The following BOP1 variants were observed in gnomAD, a reference collection of about 807,000 sequenced individuals.
BOP1 encodes the protein BOP1 ribosomal biogenesis factor.
A neutral mutation model predicts 82.9 loss-of-function variants in BOP1; 54 were observed. That is an observed-to-expected ratio of 0.65 (90% CI 0.52 to 0.82). BOP1 has a LOEUF of 0.82. Ranked by LOEUF, BOP1 falls within the 40% of genes least tolerant of loss-of-function variation. BOP1 has a pLI of 0.00. For synonymous variants in BOP1, 566 were observed against 451.1 expected, an observed-to-expected ratio of 1.25 and a Z score of -3.23; for missense variants, 1,170 against 1,072.0, an observed-to-expected ratio of 1.09 and a Z score of -1.28.
chr8:144,285,498 C>T (rs1554839370), intron 2 of BOP1, among the ~76,000 whole-genome samples: 1 of 152,248 alleles, frequency 6.6e-6, no homozygotes, highest in East Asian at 1.9e-4. Context: ...CCTTCAGGGG[C>T]TGCCAGGCAG....
In BOP1 at chr8:144,263,584, A is replaced by G; in HGVS notation, c.1318T>C (p.Trp440Arg). Reference protein sequence around the residue: ...SGSDDGSLRLWEVATARCVRT... With the variant: ...SGSDDGSLRLREVATARCVRT... ...ACACAGCGGGCAGTGGCCACCTCCC[A>G]GAGCCGCAGGGAGCCGTCGTCAGAG... Residue 440 changes from tryptophan to arginine, a missense_variant, in exon 11 of 16, where the codon TGG becomes CGG. Transcript: ENST00000569669. 6.2e-7 allele frequency: 1 copy of G among 1,604,864 alleles called. No individual in the cohort carries two copies. Among genetic ancestry groups the G allele is most frequent in the Non-Finnish European group, 8.5e-7 (1 of 1,179,734 alleles).
intron 2 of BOP1, among the ~76,000 whole-genome samples, chr8:144,277,398 G>A (rs1478490983): frequency 6.6e-6 from 1 of 152,336 alleles, no homozygotes; most frequent in South Asian, 2.1e-4. Flanking sequence ...CGTGACCCCG[G>A]CCCCAAGCCC....
chr8:144,278,545 T>C (rs1845611125), intron 2 of BOP1, among the ~76,000 whole-genome samples: 1 of 152,124 alleles, frequency 6.6e-6, no homozygotes, highest in African/African-American at 2.4e-5. Flanking sequence ...AGCTGCGGTG[T>C]CCCGGTTCGG....
intron 3 of BOP1, chr8:144,266,780 CG>C: frequency 9.5e-7 from 1 of 1,047,260 alleles, no homozygotes; most frequent in Non-Finnish European, 1.1e-6. Context: ...CGGCGGAGGG[CG>C]GGGGGCCGGC....
intron 2 of BOP1, among the ~76,000 whole-genome samples, chr8:144,276,641 G>A (rs1490580067): frequency 6.6e-6 from 1 of 152,234 alleles, no homozygotes; most frequent in South Asian, 2.1e-4. Context: ...AAGACCCACC[G>A]CCAACCACCC....
chr8:144,269,267 G>A (rs1445432592), intron 3 of BOP1, among the ~76,000 whole-genome samples: 7 of 152,360 alleles, frequency 4.6e-5, no homozygotes, highest in Non-Finnish European at 7.3e-5. Flanking sequence ...GTGCTGTGTG[G>A]ACCACCTCCC....
intron 3 of BOP1, among the ~76,000 whole-genome samples, chr8:144,274,056 G>T (rs1165569025): frequency 1.3e-5 from 2 of 152,154 alleles, no homozygotes; most frequent in Non-Finnish European, 2.9e-5. Flanking sequence ...GTGGCCTGAG[G>T]AGAAGGGGAG....
At position 144,289,297 on chromosome 8, in the gene BOP1, A is replaced by C; in HGVS notation, c.107T>G (p.Leu36Arg). The C allele has an allele frequency of 6.2e-7, 1 of 1,613,690 alleles. No individual in the cohort carries two copies. Among genetic ancestry groups the C allele is most frequent in the Non-Finnish European group, 8.5e-7 (1 of 1,179,898 alleles). Residue 36 changes from leucine to arginine, a missense_variant, in exon 2 of 16, where the codon CTC becomes CGC. Leu to Arg is a moderately radical substitution (Grantham distance 102). Transcript: ENST00000569669. ...LEPEPEPEPP[L>R]LCTSPLSHST... ...GTGGCTGAGAGGAGAGGTGCAGAGG[A>C]GGGGGGGCTGCAAGGAAACACTGGG... is the stretch of plus-strand genomic sequence containing the variant.
At position 144,273,054 on chromosome 8, in the gene BOP1, CG is replaced by C. The variant is rs1332236651; in HGVS notation, c.390+3169del. Among the ~76,000 whole-genome samples the C allele has an allele frequency of 1.9e-4, 29 of 152,216 alleles. No homozygotes were observed. The Middle Eastern group carries it at 0.01, about 54-fold the overall frequency. ...GGGAGATTGGGGCGGTCTGCAGGCC[CG>C]GGCGCCCTCCACAAGCAGCGTGGGG... On this transcript the variant is annotated intron_variant, in intron 3 of 15. Coordinates refer to ENST00000569669, the MANE Select transcript of BOP1 (RefSeq NM_015201.5).
Position 144,263,259 on chromosome 8 carries a change from G to C in BOP1, c.1567C>G (p.Arg523Gly). ...ARWLEASEEE[R>G]QVGLRLRICH... ...ATGCGCAGCCGCAGGCCCACTTGGC[G>C]CTCCTCCTCTGAGGCCTCCAGCCAG... Residue 523 changes from arginine to glycine, a missense_variant, in exon 12 of 16, where the codon CGC (arginine) becomes GGC (glycine). By Grantham distance (125) the Arg-to-Gly change is moderately radical (BLOSUM62 -2). Coordinates refer to ENST00000569669, the MANE Select transcript of BOP1 (RefSeq NM_015201.5). 6.3e-7 allele frequency: 1 copy of C among 1,594,860 alleles called. No individual in the cohort carries two copies. The highest frequency in any genetic ancestry group is 1.3e-5 in the African/African-American group (1 of 74,958).
chr8:144,263,763 T>TGAG lies in BOP1; in HGVS notation c.1222-5_1222-3dup, dbSNP rs1273199393. ...AAGGTCACTGTGGCCCCTGTAGACC[T>TGAG]GAGGAGGCGGCGGCAGTGAGGAGTC... On this transcript the variant is annotated splice_polypyrimidine_tract_variant and splice_region_variant and intron_variant, in intron 9 of 15. Coordinates refer to ENST00000569669, the MANE Select transcript of BOP1 (RefSeq NM_015201.5). 2.3e-3 allele frequency: 3,584 copies of TGAG among 1,583,020 alleles called. 78 individuals are homozygous for TGAG. In the African/African-American group the frequency reaches 0.045, roughly 20 times the overall value.
chr8:144,264,672 T>A, intron 5 of BOP1, 42 bp downstream of exon 5: 1 of 1,565,252 alleles, frequency 6.4e-7, no homozygotes. Context: ...TGCTGGTGCC[T>A]CCAGGACCCC....
chr8:144,283,455 G>A (rs1814773453), intron 2 of BOP1, among the ~76,000 whole-genome samples: 1 of 152,126 alleles, frequency 6.6e-6, no homozygotes, highest in Non-Finnish European at 1.5e-5. Flanking sequence ...GGGACCACGG[G>A]CACGCACCGC....
intron 2 of BOP1, among the ~76,000 whole-genome samples, chr8:144,276,770 C>A (rs1280186721): frequency 2.0e-5 from 3 of 152,204 alleles, no homozygotes; most frequent in Admixed American, 6.5e-5. Context: ...ACGCAGCCGT[C>A]GCAGCAGGGT....
At chr8:144,282,844 C>T (rs1459389193) in intron 2 of BOP1, among the ~76,000 whole-genome samples, 1 of 152,074 alleles carries the variant, frequency 6.6e-6, no homozygotes, top group Non-Finnish European at 1.5e-5. Flanking sequence ...CCTCACAAAA[C>T]ACCAGGACTC....
At chr8:144,272,821 T>C (rs1845512030) in intron 3 of BOP1, among the ~76,000 whole-genome samples, 1 of 151,936 alleles carries the variant, frequency 6.6e-6, no homozygotes, top group African/African-American at 2.4e-5. Context: ...GACAACTGAG[T>C]GCAGCAGGCC....
intron 13 of BOP1, 63 bp downstream of exon 13, chr8:144,262,784 CTCACCT>C: frequency 8.0e-7 from 1 of 1,257,844 alleles, no homozygotes. Context: ...ACCCCCACCC[CTCACCT>C]GCAGGGTACA....
chr8:144,264,281 G>A lies in BOP1; in HGVS notation c.922C>T (p.Pro308Ser). Residue 308 changes from proline (P) to serine (S), a missense_variant, in exon 7 of 16, where the codon CCA (proline) becomes TCA (serine). Coordinates refer to ENST00000569669, the MANE Select transcript of BOP1 (RefSeq NM_015201.5). Reference sequence around the variant, plus strand: ...GGGTTGTACGACTCGGCGTGGCCTGGCAGGGCCAGCTTGGGAGCAGGTACG... The same window carrying A: ...GGGTTGTACGACTCGGCGTGGCCTGACAGGGCCAGCTTGGGAGCAGGTACG... ...MHVPAPKLAL[P>S]GHAESYNPPP... The A allele has an allele frequency of 1.9e-6, 3 of 1,611,026 alleles. No homozygotes were observed. The highest frequency in any genetic ancestry group is 2.5e-6 in the Non-Finnish European group (3 of 1,179,482).
chr8:144,270,438 C>T (rs942191534), intron 3 of BOP1, among the ~76,000 whole-genome samples: 3 of 152,176 alleles, frequency 2.0e-5, no homozygotes, highest in Non-Finnish European at 4.4e-5. Flanking sequence ...GGTTGGGGTG[C>T]AGCACTCACA....
Sources: gnomAD v4.1 joint callset for allele counts (sites outside exome capture counted in the v4.1 genomes callset) on GRCh38, gnomAD v4.1.1 for gene constraint, MANE v1.5 for transcripts, NCBI Gene and HGNC (gene_info 2026-07-23, HGNC 2026-07-21) for gene names.